Variants in RABGAP1L observed in about 807,000 individuals in gnomAD.
RABGAP1L encodes RAB GTPase activating protein 1 like, also known as rab GTPase-activating protein 1-like.
A neutral mutation model predicts 137.7 loss-of-function variants in RABGAP1L; 63 were observed. The ratio of observed to expected loss-of-function variants is 0.46; its 90% CI spans 0.37 to 0.56. The LOEUF is 0.56. Ranked by LOEUF, RABGAP1L falls within the 20% of genes least tolerant of loss-of-function variation. The probability of loss-of-function intolerance (pLI) is 0.00; values close to 1 mark genes in which losing one functional copy is unlikely to be tolerated. For synonymous variants in RABGAP1L, 431 were observed against 433.7 expected (o/e 0.99, Z 0.08); for missense variants, 1,095 against 1,244.0 (o/e 0.88, Z 1.80).
At chr1:174,743,846 C>T (rs1394467618) in intron 17 of RABGAP1L, among the ~76,000 whole-genome samples, 1 of 151,780 alleles carries the variant, frequency 6.6e-6, no homozygotes, top group East Asian at 1.9e-4. Context: ...ATCTCTCATC[C>T]CTACCCATTC....
rs527938219 is a variant in RABGAP1L at position 174,264,847 on chromosome 1, C to A, written c.987-7567C>A. Among the ~76,000 whole-genome samples, 10 of 150,312 alleles carry A rather than the reference C, an allele frequency of 6.7e-5. No homozygotes were observed. The East Asian group carries it at 1.6e-3, about 24-fold the overall frequency. On this transcript the variant is annotated intron_variant, in intron 7 of 25. Coordinates refer to ENST00000681986, the MANE Select transcript of RABGAP1L (RefSeq NM_001366446.1). ...AAAAGAAAAAAATTAGAAAAAAAAA[C>A]AAAAGAAATGACAATCGAGAGAAAA...
Position 174,991,473 on chromosome 1 carries a change from C to G in RABGAP1L, c.*1472C>G, listed in dbSNP as rs1672051586. The G allele has an allele frequency of 6.6e-6, 1 of 152,126 alleles. No homozygotes were observed. The highest frequency in any genetic ancestry group is 1.5e-5 in the Non-Finnish European group (1 of 67,992). 9.4% of individuals were successfully genotyped at this position (152,126 alleles called of 1,614,324 possible). ...ACCCTTAGAAGAATCAAATAAGAGC[C>G]ATCTACATCCCAGGAGGATGCACCA... On this transcript the variant is annotated 3_prime_UTR_variant, in exon 26 of 26. Coordinates refer to ENST00000681986, the MANE Select transcript of RABGAP1L (RefSeq NM_001366446.1).
chr1:174,572,670 C>T (rs1339221214), intron 13 of RABGAP1L, among the ~76,000 whole-genome samples: 1 of 152,094 alleles, frequency 6.6e-6, no homozygotes, highest in African/African-American at 2.4e-5. Flanking sequence ...CGTGAGCCAC[C>T]CTGCCCAGCC....
chr1:174,720,290 T>TAGATAGATAGACAGAC lies in RABGAP1L; in HGVS notation c.2169+18037_2169+18038insTAGATAGACAGACAGA, dbSNP rs368112419. On this transcript the variant is annotated intron_variant, in intron 17 of 25. Coordinates refer to ENST00000681986, the MANE Select transcript of RABGAP1L (RefSeq NM_001366446.1). ...ATAGATAGATAGATAGATAGATAGA[T>TAGATAGATAGACAGAC]AGACAGACAGATAGTTGGTTTTTTT... 1.4e-3 allele frequency among the ~76,000 whole-genome samples: 195 copies of TAGATAGATAGACAGAC among 141,738 alleles called. 2 individuals carry two copies. Among genetic ancestry groups the TAGATAGATAGACAGAC allele is most frequent in the Middle Eastern group, 7.1e-3 (2 of 282 alleles). 93.0% of individuals were successfully genotyped at this position (141,738 alleles called of 152,430 possible).
intron 1 of RABGAP1L, among the ~76,000 whole-genome samples, chr1:174,194,728 T>C (rs928504316): frequency 2.0e-5 from 3 of 152,074 alleles, no homozygotes; most frequent in South Asian, 2.1e-4. Context: ...TAAAAAGTTA[T>C]AAGAAGAAAA....
chr1:174,957,342 A>T, intron 19 of RABGAP1L, 115 bp from the exon 20 acceptor site: 1 of 764,650 alleles, frequency 1.3e-6, no homozygotes, highest in Admixed American at 2.4e-5. Flanking sequence ...TTTTCTCCTA[A>T]CTTTGAGTTG....
chr1:174,281,901 C>T (rs188070655), intron 10 of RABGAP1L, among the ~76,000 whole-genome samples: 1 of 152,212 alleles, frequency 6.6e-6, no homozygotes, highest in Non-Finnish European at 1.5e-5. Context: ...CAGGCAATGA[C>T]TGATGTGCTG....
At chr1:174,350,189 ACCC>A (rs1156878544) in intron 11 of RABGAP1L, among the ~76,000 whole-genome samples, 3 of 68,522 alleles carry the variant, frequency 4.4e-5, no homozygotes, top group Non-Finnish European at 9.3e-5. Context: ...CGGGGGGCTG[ACCC>A]CCCCCCCACC....
intron 19 of RABGAP1L, among the ~76,000 whole-genome samples, chr1:174,820,257 G>A (rs771065780): frequency 2.9e-4 from 44 of 152,162 alleles, no homozygotes; most frequent in South Asian, 8.3e-4. Flanking sequence ...AGGACATGGG[G>A]CCAGGGCAGT....
At chr1:174,877,923 C>T (rs1653417929) in intron 19 of RABGAP1L, among the ~76,000 whole-genome samples, 1 of 152,142 alleles carries the variant, frequency 6.6e-6, no homozygotes, top group African/African-American at 2.4e-5. Flanking sequence ...AATTGAGGCT[C>T]ATAGAAGTGT....
chr1:174,436,625 A>G (rs1277232768), intron 13 of RABGAP1L, among the ~76,000 whole-genome samples: 1 of 152,152 alleles, frequency 6.6e-6, no homozygotes, highest in Non-Finnish European at 1.5e-5. Context: ...CTCTGATGGT[A>G]GTTTCTTTTG....
chr1:174,885,104 AAGT>A lies in RABGAP1L; in HGVS notation c.2341-72349_2341-72347del, dbSNP rs1404308282. ...CTGTAAAATTGGAGTCTGCAAGAGA[AAGT>A]AGTCCGGACTGAAATCGGCCAGAAG... On this transcript the variant is annotated intron_variant, in intron 19 of 25. Coordinates refer to ENST00000681986, the MANE Select transcript of RABGAP1L (RefSeq NM_001366446.1). 8.5e-5 allele frequency among the ~76,000 whole-genome samples: 13 copies of A among 152,326 alleles called. No homozygotes were observed. In the East Asian group the frequency reaches 1.9e-3, roughly 23 times the overall value.
chr1:174,931,606 A>C (rs1248197049), intron 19 of RABGAP1L, among the ~76,000 whole-genome samples: 1 of 152,182 alleles, frequency 6.6e-6, no homozygotes. Context: ...CTTTGCCTAA[A>C]GGTATTAAAA....
At chr1:174,881,189 T>C (rs1654136347) in intron 19 of RABGAP1L, among the ~76,000 whole-genome samples, 1 of 152,154 alleles carries the variant, frequency 6.6e-6, no homozygotes, top group Non-Finnish European at 1.5e-5. Context: ...GTGTGTATAT[T>C]ATGGCTCAAT....
chr1:174,434,287 T>C (rs12069134), intron 13 of RABGAP1L, among the ~76,000 whole-genome samples: 53,597 of 152,150 alleles, frequency 0.35, 12,095 homozygotes, highest in African/African-American at 0.64. Context: ...GATTCATCCA[T>C]GTTATGTGTG....
chr1:174,539,645 C>G (rs933047792), intron 13 of RABGAP1L, among the ~76,000 whole-genome samples: 5 of 152,168 alleles, frequency 3.3e-5, no homozygotes, highest in African/African-American at 7.2e-5. Flanking sequence ...TGGCTGCATA[C>G]TATTCCATGG....
intron 7 of RABGAP1L, among the ~76,000 whole-genome samples, chr1:174,256,585 A>G (rs1673146699): frequency 6.6e-6 from 1 of 152,128 alleles, no homozygotes; most frequent in Non-Finnish European, 1.5e-5. Context: ...GATCGAGACC[A>G]TCCTGACCAA....
At chr1:174,210,397 T>C (rs936674803) in intron 1 of RABGAP1L, among the ~76,000 whole-genome samples, 1 of 152,132 alleles carries the variant, frequency 6.6e-6, no homozygotes, top group Non-Finnish European at 1.5e-5. Context: ...ATTTAAATAA[T>C]TAAAAAGAAT....
intron 13 of RABGAP1L, among the ~76,000 whole-genome samples, chr1:174,598,413 AT>A (rs1320324608): frequency 9.2e-5 from 14 of 151,602 alleles, no homozygotes; most frequent in Admixed American, 3.9e-4. Context: ...TGGATGAAAT[AT>A]CTATTAGGTC....
Sources: allele counts gnomAD v4.1 joint callset (sites outside exome capture counted in the v4.1 genomes callset), GRCh38; gene constraint gnomAD v4.1.1; transcripts MANE v1.5; gene names NCBI Gene and HGNC (gene_info 2026-07-23, HGNC 2026-07-21).